The following CLASP2 variants were observed in gnomAD, a reference collection of about 807,000 sequenced individuals.
The protein encoded by CLASP2 is cytoplasmic linker associated protein 2, also known as CLIP-associating protein 2.
CLASP2 carries 47 observed loss-of-function variants against 194.4 expected under a neutral mutation model. The ratio of observed to expected loss-of-function variants is 0.24; its 90% CI spans 0.19 to 0.31. The LOEUF (loss-of-function observed/expected upper bound fraction) is 0.31, where lower values mean the gene tolerates loss of function less well. Among genes scored for constraint, CLASP2 ranks in the 10% least tolerant of loss-of-function variants. CLASP2 has a pLI of 1.00. For synonymous variants in CLASP2, 619 were observed against 633.5 expected, an observed-to-expected ratio of 0.98 and a Z score of 0.34; for missense variants, 1,445 against 1,823.6, an observed-to-expected ratio of 0.79 and a Z score of 3.78.
intron 6 of CLASP2, 97 bp from the exon 7 acceptor site, chr3:33,663,612 G>A: frequency 1.2e-6 from 1 of 807,340 alleles, no homozygotes; most frequent in South Asian, 1.7e-5. Context: ...AAAAACAATT[G>A]TAGGGATTCA....
At chr3:33,550,646 TA>T (rs141404477) in intron 30 of CLASP2, among the ~76,000 whole-genome samples, 1,466 of 145,770 alleles carry the variant, frequency 0.01, 23 homozygotes, top group African/African-American at 0.034. Context: ...TTATGATACT[TA>T]AAAAAAAAAA....
At chr3:33,573,658 G>A (rs920650720) in intron 24 of CLASP2, among the ~76,000 whole-genome samples, 13 of 152,002 alleles carry the variant, frequency 8.6e-5, no homozygotes, top group South Asian at 2.1e-4. Flanking sequence ...CCCTTTTCAC[G>A]AAAAACCAAG....
Position 33,574,357 on chromosome 3 carries a change from T to G in CLASP2, c.2455-1003A>C, listed in dbSNP as rs2064382650. On this transcript the variant is annotated intron_variant, in intron 24 of 38. Coordinates refer to ENST00000682230, the MANE Select transcript of CLASP2 (RefSeq NM_001365631.1). Reference sequence around the variant, plus strand: ...CCATATTTACAGAAAAATAGATGTATGTCTAAGGATTTTACTTCTACTTTG... The same window carrying G: ...CCATATTTACAGAAAAATAGATGTAGGTCTAAGGATTTTACTTCTACTTTG... The G allele has an allele frequency of 1.6e-5, 10 of 625,398 alleles. No homozygotes were observed. In the South Asian group the frequency reaches 2.2e-4, roughly 14 times the overall value. The allele number at this position is 625,398 out of a possible 1,614,324, so 38.7% of individuals were successfully genotyped here. A position where few individuals can be genotyped will look rare whatever the true frequency, so the allele number is the denominator to read the frequency against.
intron 13 of CLASP2, among the ~76,000 whole-genome samples, chr3:33,609,095 C>T (rs955801395): frequency 1.3e-4 from 20 of 152,138 alleles, no homozygotes; most frequent in Admixed American, 7.9e-4. Flanking sequence ...GCCTGGCCAA[C>T]ATGGTGAAGC....
At chr3:33,649,569 T>C (rs1184142255) in intron 7 of CLASP2, among the ~76,000 whole-genome samples, 1 of 152,156 alleles carries the variant, frequency 6.6e-6, no homozygotes, top group Non-Finnish European at 1.5e-5. Flanking sequence ...GCAATAAATA[T>C]TTTATAATAT....
intron 19 of CLASP2, among the ~76,000 whole-genome samples, chr3:33,595,570 T>A (rs1044603039): frequency 3.3e-5 from 5 of 152,062 alleles, no homozygotes; most frequent in Admixed American, 3.3e-4. Flanking sequence ...ACAAACATCA[T>A]AACTCACTAC....
chr3:33,716,495 A>G (rs2093308072), intron 1 of CLASP2, among the ~76,000 whole-genome samples: 1 of 152,220 alleles, frequency 6.6e-6, no homozygotes, highest in South Asian at 2.1e-4. Flanking sequence ...TGGCACACCA[A>G]TCTTAACTTC....
At chr3:33,514,267 G>C (rs754965704) in intron 36 of CLASP2, among the ~76,000 whole-genome samples, 84 of 151,916 alleles carry the variant, frequency 5.5e-4, no homozygotes, top group Non-Finnish European at 1.1e-3. Context: ...GATTACAGGC[G>C]TAAGCCACCA....
rs9818856 is a variant in CLASP2 at position 33,664,907 on chromosome 3, C to T, written c.645-1392G>A. On this transcript the variant is annotated intron_variant, in intron 6 of 38. Transcript: ENST00000682230. ...CTGAGCACAGGAGTTCAAGACCAGC[C>T]TGGCCAACATGGCAAAACACACATC... Among the ~76,000 whole-genome samples the T allele has an allele frequency of 7.3e-3, 1,109 of 151,974 alleles. 15 individuals carry two copies. Among genetic ancestry groups the T allele is most frequent in the African/African-American group, 0.025 (1,024 of 41,442 alleles).
intron 27 of CLASP2, 30 bp from the exon 28 acceptor site, chr3:33,561,001 GAA>G: frequency 6.3e-7 from 1 of 1,580,058 alleles, no homozygotes. Context: ...GAGGTAGGGA[GAA>G]AAAAAGAGGA....
Position 33,559,321 on chromosome 3 carries a change from T to C in CLASP2, c.2995A>G (p.Thr999Ala). ...LMRFTVDQTQTPSLKVKVAIL... is the reference protein window; with the variant it reads ...LMRFTVDQTQAPSLKVKVAIL... ...CAAAGTTTTACCTTTAAGCTTGGTG[T>C]CTGGGTCTGATCAACTGTAAATCTC... Residue 999 changes from threonine to alanine, a missense_variant, in exon 29 of 39, where the codon ACA (threonine) becomes GCA (alanine). Thr to Ala is a moderately conservative substitution (Grantham distance 58). This residue lies in a region of CLASP2 where 732 missense variants were observed against 987.9 expected (regional missense o/e 0.74). Coordinates refer to ENST00000682230, the MANE Select transcript of CLASP2 (RefSeq NM_001365631.1). The C allele has an allele frequency of 6.3e-7, 1 of 1,582,970 alleles. No homozygotes were observed. The highest frequency in any genetic ancestry group is 8.6e-7 in the Non-Finnish European group (1 of 1,156,814).
chr3:33,685,159 G>A (rs182490638), intron 5 of CLASP2, among the ~76,000 whole-genome samples: 26 of 151,104 alleles, frequency 1.7e-4, no homozygotes, highest in Non-Finnish European at 3.0e-4. Flanking sequence ...TGGCTACCAC[G>A]GTGAAACCCC....
In CLASP2 at chr3:33,680,936, C is replaced by G. The variant is rs989459274; in HGVS notation, c.644+3423G>C. ...GGTCAGGAGTTTGAGAACAGCCTGA[C>G]CAACATGGCGAAACCCCGTCTCTAC... On this transcript the variant is annotated intron_variant, in intron 6 of 38. Coordinates refer to ENST00000682230, the MANE Select transcript of CLASP2 (RefSeq NM_001365631.1). Among the ~76,000 whole-genome samples the G allele has an allele frequency of 9.2e-5, 14 of 151,930 alleles. No homozygotes were observed. The Middle Eastern group carries it at 0.014, about 148-fold the overall frequency.
intron 7 of CLASP2, 193 bp from the exon 8 acceptor site, chr3:33,645,096 T>C: frequency 1.5e-6 from 1 of 668,012 alleles, no homozygotes; most frequent in Non-Finnish European, 2.6e-6. Context: ...TAATTCAAAA[T>C]CAAAATGCAG....
At chr3:33,542,611 A>G (rs1315932381) in intron 32 of CLASP2, among the ~76,000 whole-genome samples, 1 of 150,300 alleles carries the variant, frequency 6.7e-6, no homozygotes, top group Non-Finnish European at 1.5e-5. Flanking sequence ...TATTTATGAT[A>G]TATGACATGT....
chr3:33,503,409 GTGTTAACT>G (rs1243875141), intron 37 of CLASP2: 1 of 150,328 alleles, frequency 6.7e-6, no homozygotes, highest in East Asian at 1.9e-4. Flanking sequence ...TGACAATTTT[GTGTTAACT>G]TTATCTTTTT....
intron 30 of CLASP2, among the ~76,000 whole-genome samples, chr3:33,545,992 T>C (rs2154151355): frequency 6.6e-6 from 1 of 152,300 alleles, no homozygotes; most frequent in South Asian, 2.1e-4. Context: ...TCTGGGTATC[T>C]AACATGTTAA....
chr3:33,535,994 A>G (rs1347247943), intron 33 of CLASP2, among the ~76,000 whole-genome samples: 1 of 152,158 alleles, frequency 6.6e-6, no homozygotes, highest in Admixed American at 6.5e-5. Context: ...ATTTGGGTAC[A>G]TACTTATCAA....
intron 22 of CLASP2, among the ~76,000 whole-genome samples, chr3:33,582,436 C>T (rs1376058149): frequency 1.3e-5 from 2 of 152,088 alleles, no homozygotes; most frequent in Admixed American, 1.3e-4. Flanking sequence ...GGGAGAACTG[C>T]CTGAGGCTGG....
Sources: gnomAD v4.1 joint callset for allele counts (sites outside exome capture counted in the v4.1 genomes callset) on GRCh38, gnomAD v4.1.1 for gene constraint, gnomAD v4.1.1 regional missense constraint, MANE v1.5 for transcripts, NCBI Gene and HGNC (gene_info 2026-07-23, HGNC 2026-07-21) for gene names.